SASH1: variants seen among roughly 807,000 people sequenced by gnomAD.
The protein encoded by SASH1 is SAM and SH3 domain containing 1, also known as SAM and SH3 domain-containing protein 1.
Under a neutral mutation model 125.2 loss-of-function variants are expected in SASH1, and 44 were observed. The observed-to-expected ratio is 0.35, with a 90% CI of 0.28 to 0.45. The LOEUF is 0.45. Among genes scored for constraint, SASH1 ranks in the 20% least tolerant of loss-of-function variants. SASH1 has a pLI of 1.00. For synonymous variants in SASH1, 639 were observed against 649.1 expected (o/e 0.98, Z 0.24); for missense variants, 1,426 against 1,614.5 (o/e 0.88, Z 2.00).
At chr6:148,391,539 C>A (rs1388736348) in intron 2 of SASH1, among the ~76,000 whole-genome samples, 1 of 151,346 alleles carries the variant, frequency 6.6e-6, no homozygotes, top group African/African-American at 2.4e-5. Flanking sequence ...GTCCTTGAGA[C>A]TTGTCATCAC....
chr6:148,308,956 C>T (rs6901999), intron 1 of SASH1, among the ~76,000 whole-genome samples: 40,265 of 150,508 alleles, frequency 0.27, 5,532 homozygotes, highest in South Asian at 0.35. Flanking sequence ...TGGTGGCACA[C>T]GCCTGTAGTC....
intron 2 of SASH1, among the ~76,000 whole-genome samples, chr6:148,399,451 C>T (rs1000403757): frequency 1.3e-5 from 2 of 151,970 alleles, no homozygotes; most frequent in Non-Finnish European, 2.9e-5. Context: ...GTCTTGAATT[C>T]CTGACCTCAG....
chr6:148,307,381 G>T (rs1451968454), intron 1 of SASH1, among the ~76,000 whole-genome samples: 2 of 152,008 alleles, frequency 1.3e-5, no homozygotes, highest in Non-Finnish European at 2.9e-5. Context: ...CTCCCAAAGT[G>T]CTGGAATTAC....
chr6:148,240,691 A>T, the SASH1 span, among the ~76,000 whole-genome samples: 2 of 152,242 alleles, frequency 1.3e-5, no homozygotes, highest in East Asian at 3.9e-4. Flanking sequence ...GGCCAAGACG[A>T]CTCACAGTAT....
chr6:148,416,604 G>A (rs1056336560), intron 2 of SASH1, among the ~76,000 whole-genome samples: 1 of 152,170 alleles, frequency 6.6e-6, no homozygotes, highest in Non-Finnish European at 1.5e-5. Context: ...ACCCCTCAGA[G>A]GCCTGCAGGA....
Position 148,440,172 on chromosome 6 carries a change from G to C in SASH1, c.286-12G>C. ...TGGAAGTCCCGTTAAACTGGCATCT[G>C]TTCTGTTTTAGGAGAAACCCGATGC... On this transcript the variant is annotated splice_polypyrimidine_tract_variant and intron_variant, in intron 2 of 19. Coordinates refer to ENST00000367467, the MANE Select transcript of SASH1 (RefSeq NM_015278.5). 6.2e-7 allele frequency: 1 copy of C among 1,613,906 alleles called. No homozygotes were observed. Among genetic ancestry groups the C allele is most frequent in the Non-Finnish European group, 8.5e-7 (1 of 1,179,882 alleles).
chr6:148,501,728 A>G (rs1032672382), intron 8 of SASH1, among the ~76,000 whole-genome samples: 3 of 152,092 alleles, frequency 2.0e-5, no homozygotes, highest in African/African-American at 7.2e-5. Flanking sequence ...GCCTCTACTT[A>G]CCACTCTCTC....
chr6:148,394,095 G>T (rs1047050457), intron 2 of SASH1, among the ~76,000 whole-genome samples: 1 of 151,986 alleles, frequency 6.6e-6, no homozygotes, highest in Non-Finnish European at 1.5e-5. Flanking sequence ...GTTTTACCAT[G>T]TTGGCTAGGG....
chr6:148,442,202 C>T lies in SASH1; in HGVS notation c.386+1795C>T, dbSNP rs146871567. ...AGGAGTTTGAGATCAGCCTGGGCAA[C>T]ATAGTAAGACCCTGTCTGATCCAGC... On this transcript the variant is annotated intron_variant, in intron 4 of 19. Transcript: ENST00000367467. Among the ~76,000 whole-genome samples the T allele has an allele frequency of 7.1e-3, 1,084 of 152,056 alleles. 12 individuals are homozygous for T. The highest frequency in any genetic ancestry group is 0.024 in the African/African-American group (999 of 41,462).
At chr6:148,304,271 T>C (rs1351554697) in intron 1 of SASH1, among the ~76,000 whole-genome samples, 2 of 152,034 alleles carry the variant, frequency 1.3e-5, no homozygotes, top group Non-Finnish European at 2.9e-5. Context: ...ACCCTGTCTC[T>C]ACTAAAAAAA....
At chr6:148,491,056 C>T (rs146279113) in intron 8 of SASH1, among the ~76,000 whole-genome samples, 1 of 152,254 alleles carries the variant, frequency 6.6e-6, no homozygotes, top group African/African-American at 2.4e-5. Flanking sequence ...CGTCCTCAAG[C>T]GTATTTATTG....
In SASH1 at chr6:148,546,078, G is replaced by A. The variant is rs528523662; in HGVS notation, c.3412G>A (p.Glu1138Lys). 38 of 1,614,260 alleles carry A rather than the reference G, an allele frequency of 2.4e-5. No individual in the cohort carries two copies. The highest frequency in any genetic ancestry group is 1.2e-4 in the Admixed American group (7 of 60,026). The change falls in exon 19 of 20, where the codon GAG becomes AAG. Residue 1138 changes from glutamate (E) to lysine (K), a missense_variant. By Grantham distance (56) the Glu-to-Lys change is moderately conservative (BLOSUM62 1). This residue lies in a region of SASH1 where 634 missense variants were observed against 694.4 expected (regional missense o/e 0.91). Transcript: ENST00000367467. ...QRYAEDLDQP[E>K]RDVAANMDQI... Reference sequence around the variant, plus strand: ...ATACGCAGAGGACTTGGATCAGCCCGAGCGGGACGTCGCCGCCAACATGGA... The same window carrying A: ...ATACGCAGAGGACTTGGATCAGCCCAAGCGGGACGTCGCCGCCAACATGGA...
the SASH1 span, among the ~76,000 whole-genome samples, chr6:148,220,461 A>G: frequency 2.0e-5 from 3 of 152,184 alleles, no homozygotes; most frequent in Non-Finnish European, 4.4e-5. Context: ...TACCACCACA[A>G]TGAGAATTAA....
At chr6:148,461,139 T>C (rs1200676570) in intron 4 of SASH1, among the ~76,000 whole-genome samples, 1 of 152,200 alleles carries the variant, frequency 6.6e-6, no homozygotes, top group East Asian at 1.9e-4. Context: ...GGGGTACTGT[T>C]TTTATCATCA....
intron 1 of SASH1, among the ~76,000 whole-genome samples, chr6:148,326,253 C>T (rs1395762973): frequency 7.2e-6 from 1 of 138,966 alleles, no homozygotes; most frequent in Non-Finnish European, 1.5e-5. Context: ...GTCTCGAACT[C>T]CTGACCCCAG....
At chr6:148,498,219 A>G (rs1443253147) in intron 8 of SASH1, among the ~76,000 whole-genome samples, 1 of 100,762 alleles carries the variant, frequency 9.9e-6, no homozygotes, top group Non-Finnish European at 2.1e-5. Flanking sequence ...CCTCATCTCT[A>G]CAAAAACAAA....
intron 2 of SASH1, among the ~76,000 whole-genome samples, chr6:148,439,029 A>G (rs1776434692): frequency 6.6e-6 from 1 of 152,180 alleles, no homozygotes; most frequent in African/African-American, 2.4e-5. Context: ...GTATTGGTGT[A>G]GTTTTATAAT....
chr6:148,511,323 TTACA>T (rs1780111050), intron 8 of SASH1, among the ~76,000 whole-genome samples: 1 of 104,826 alleles, frequency 9.5e-6, no homozygotes, highest in Admixed American at 1.2e-4. Flanking sequence ...TAATTTTCTA[TTACA>T]CACACACACA....
At chr6:148,419,376 G>A (rs754889838) in intron 2 of SASH1, among the ~76,000 whole-genome samples, 7 of 152,158 alleles carry the variant, frequency 4.6e-5, no homozygotes, top group African/African-American at 7.2e-5. Context: ...ATTTGCATAC[G>A]TTGTTTTAGG....
Sources: allele counts gnomAD v4.1 joint callset (sites outside exome capture counted in the v4.1 genomes callset), GRCh38; gene constraint gnomAD v4.1.1; regional missense constraint gnomAD v4.1.1; transcripts MANE v1.5; gene names NCBI Gene and HGNC (gene_info 2026-07-23, HGNC 2026-07-21).